Variants in ADGRA3 observed in about 807,000 individuals in gnomAD.
ADGRA3 encodes G-protein coupled receptor 125.
A neutral mutation model predicts 119.8 loss-of-function variants in ADGRA3; 56 were observed. That is an observed-to-expected ratio of 0.47 (90% CI 0.38 to 0.58). The LOEUF is 0.58. Ranked by LOEUF, ADGRA3 falls within the 20% of genes least tolerant of loss-of-function variation. The probability of loss-of-function intolerance (pLI) is 0.00; values close to 1 mark genes in which losing one functional copy is unlikely to be tolerated. For missense variants in ADGRA3, 1,516 were observed against 1,649.0 expected, an observed-to-expected ratio of 0.92 and a Z score of 1.40; for synonymous variants, 607 against 623.8, an observed-to-expected ratio of 0.97 and a Z score of 0.40.
At chr4:22,420,810 A>C in intron 12 of ADGRA3, 76 bp downstream of exon 12, 1 of 1,407,006 alleles carries the variant, frequency 7.1e-7, no homozygotes, top group South Asian at 1.2e-5. Context: ...TAATAAGGTT[A>C]TTTTGCGAAG....
At chr4:22,469,327 G>A (rs1428483955) in intron 2 of ADGRA3, among the ~76,000 whole-genome samples, 1 of 152,188 alleles carries the variant, frequency 6.6e-6, no homozygotes, top group Admixed American at 6.5e-5. Flanking sequence ...TCACTAGACT[G>A]TTAAGTTACA....
chr4:22,412,380 A>G (rs920986164), intron 14 of ADGRA3, among the ~76,000 whole-genome samples: 7 of 152,194 alleles, frequency 4.6e-5, no homozygotes, highest in African/African-American at 1.4e-4. Flanking sequence ...CTGTACATTA[A>G]TAACTGTTAT....
rs117781670 is a variant in ADGRA3, at chr4:22,427,400, G to T, written c.1444-3048C>A. 8.6e-3 allele frequency among the ~76,000 whole-genome samples: 1,313 copies of T among 151,928 alleles called. 39 individuals carry two copies. The highest frequency in any genetic ancestry group is 0.05 in the Admixed American group (759 of 15,254). ...AATTCATCATTATTACATGATCAAA[G>T]AACTACTGCTATGCCCTGCTAGATA... On this transcript the variant is annotated intron_variant, in intron 10 of 18. Coordinates refer to ENST00000334304, the MANE Select transcript of ADGRA3 (RefSeq NM_145290.4).
chr4:22,475,174 C>A (rs984041454), intron 1 of ADGRA3, among the ~76,000 whole-genome samples: 1 of 152,104 alleles, frequency 6.6e-6, no homozygotes, highest in African/African-American at 2.4e-5. Context: ...TTAGGCGAGT[C>A]ACACTTCCTC....
At position 22,435,302 on chromosome 4, in the gene ADGRA3, G is replaced by C. The variant is rs1560315281; in HGVS notation, c.1443+9C>G. ...ACTGTATGCTACAAATCTGAATTTAGAGAAGTACCTCTTTTGATTTTTCCT... is the reference window on the plus strand; with the variant it reads ...ACTGTATGCTACAAATCTGAATTTACAGAAGTACCTCTTTTGATTTTTCCT... On this transcript the variant is annotated intron_variant, in intron 10 of 18. Coordinates refer to ENST00000334304, the MANE Select transcript of ADGRA3 (RefSeq NM_145290.4). The C allele has an allele frequency of 1.2e-6, 2 of 1,607,692 alleles. No homozygotes were observed. Among genetic ancestry groups the C allele is most frequent in the Non-Finnish European group, 1.7e-6 (2 of 1,174,760 alleles).
At chr4:22,404,676 G>GA in intron 14 of ADGRA3, among the ~76,000 whole-genome samples, 1 of 152,260 alleles carries the variant, frequency 6.6e-6, no homozygotes, top group African/African-American at 2.4e-5. Flanking sequence ...ACACAAAAGG[G>GA]AAAAGACCAG....
At chr4:22,448,260 A>AT (rs1266197201) in intron 4 of ADGRA3, among the ~76,000 whole-genome samples, 5 of 152,220 alleles carry the variant, frequency 3.3e-5, no homozygotes, top group Admixed American at 6.5e-5. Context: ...GTGTACAGCC[A>AT]GTAACATGCT....
Position 22,515,816 on chromosome 4 carries a change from G to A in ADGRA3, c.-32C>T. On this transcript the variant is annotated 5_prime_UTR_variant, in exon 1 of 19. Transcript: ENST00000334304. ...GGCCGGGGCCTGCGGGGCGAGCGGC[G>A]GCGCACTGGCCTAGCGGGCCGCCCC... The A allele has an allele frequency of 3.0e-6, 3 of 988,074 alleles. No homozygotes were observed. Among genetic ancestry groups the A allele is most frequent in the South Asian group, 4.6e-5 (1 of 21,792 alleles). 61.2% of individuals were successfully genotyped at this position (988,074 alleles called of 1,614,324 possible).
chr4:22,393,028 CT>C lies in ADGRA3; in HGVS notation c.2482-339del, dbSNP rs1162697142. On this transcript the variant is annotated intron_variant, in intron 16 of 18. Transcript: ENST00000334304. Reference sequence around the variant, plus strand: ...GACATTATACATTAGAGTTCATTTTCTTTTTTTTTTTTTTTTGGGACAGAGC... The same window carrying C: ...GACATTATACATTAGAGTTCATTTTCTTTTTTTTTTTTTTTGGGACAGAGC... 5.2e-3 allele frequency: 717 copies of C among 138,728 alleles called. 1 individual carries two copies. The highest frequency in any genetic ancestry group is 0.012 in the Middle Eastern group (3 of 258). The allele number at this position is 138,728 out of a possible 1,614,324, so 8.6% of individuals were successfully genotyped here.
rs1403758645 is a variant in ADGRA3 at position 22,402,183 on chromosome 4, T to G, written c.2357+492A>C. ...TTATTTCCCACCACAAAATAAAAGT[T>G]TCTATAGCTTTGCCTCCGATTAACA... is the stretch of plus-strand genomic sequence containing the variant. On this transcript the variant is annotated intron_variant, in intron 15 of 18. Transcript: ENST00000334304. Among the ~76,000 whole-genome samples the G allele has an allele frequency of 3.3e-5, 5 of 152,264 alleles. No homozygotes were observed. The East Asian group carries it at 9.6e-4, about 29-fold the overall frequency.
intron 1 of ADGRA3, among the ~76,000 whole-genome samples, chr4:22,479,829 G>A (rs539658272): frequency 6.6e-6 from 1 of 152,272 alleles, no homozygotes; most frequent in African/African-American, 2.4e-5. Context: ...AAAAGGATGA[G>A]GTCATGTCCT....
rs763890087 is a variant in ADGRA3, at chr4:22,413,682, G to A, written c.1942C>T (p.Pro648Ser). The A allele has an allele frequency of 6.2e-7, 1 of 1,613,992 alleles. No homozygotes were observed. The highest frequency in any genetic ancestry group is 1.7e-5 in the Admixed American group (1 of 59,986). Residue 648 changes from proline (P) to serine (S), a missense_variant, in exon 13 of 19, where the codon CCA becomes TCA. This residue lies in a region of ADGRA3 where 1,088 missense variants were observed against 1,107.1 expected (regional missense o/e 0.98). Transcript: ENST00000334304. ...AAATTTGTTGAATTTCCAGTGGCTG[G>A]AAAAAGCTTTCCATTGCGGAATGCA... ...LIAFRNGKLF[P>S]ATGNSTNLAD...
intron 2 of ADGRA3, among the ~76,000 whole-genome samples, chr4:22,469,406 C>T (rs73247104): frequency 0.013 from 1,985 of 152,324 alleles, 20 homozygotes; most frequent in Non-Finnish European, 0.023. Flanking sequence ...AACTCTCAAT[C>T]ACTTCATTGA....
At chr4:22,396,800 T>A (rs1714374530) in intron 16 of ADGRA3, among the ~76,000 whole-genome samples, 1 of 152,150 alleles carries the variant, frequency 6.6e-6, no homozygotes, top group South Asian at 2.1e-4. Context: ...ATGGCATTTG[T>A]TCTTGAAGCC....
chr4:22,487,501 T>C (rs10938903), intron 1 of ADGRA3, among the ~76,000 whole-genome samples: 71,766 of 152,048 alleles, frequency 0.47, 18,452 homozygotes, highest in East Asian at 0.6. Context: ...CAACTCCTGC[T>C]GTACAGCCCC....
intron 14 of ADGRA3, among the ~76,000 whole-genome samples, chr4:22,404,738 G>A (rs918328689): frequency 3.9e-5 from 6 of 152,166 alleles, no homozygotes; most frequent in South Asian, 2.1e-4. Context: ...TGAGATGCCC[G>A]TAACACTAGC....
intron 1 of ADGRA3, among the ~76,000 whole-genome samples, chr4:22,480,094 T>C (rs1179948544): frequency 1.3e-5 from 2 of 152,130 alleles, no homozygotes. Context: ...TGTATACCTA[T>C]GTAACAAAAC....
intron 1 of ADGRA3, among the ~76,000 whole-genome samples, chr4:22,474,070 A>G (rs1717954536): frequency 6.6e-6 from 1 of 152,192 alleles, no homozygotes; most frequent in Non-Finnish European, 1.5e-5. Context: ...TCTATCACAC[A>G]TAATCAAAAC....
In ADGRA3 at chr4:22,413,842, G is replaced by A. The variant is rs755624136; in HGVS notation, c.1810-28C>T. 21 of 1,479,836 alleles carry A rather than the reference G, an allele frequency of 1.4e-5. No homozygotes were observed. In the African/African-American group the frequency reaches 3.0e-4, roughly 21 times the overall value. 91.7% of individuals were successfully genotyped at this position (1,479,836 alleles called of 1,614,324 possible). ...GAAAAAATATATATACATAAAAAAA[G>A]CTCACTACATTAGTACATAGAAACC... On this transcript the variant is annotated intron_variant, in intron 12 of 18. Coordinates refer to ENST00000334304, the MANE Select transcript of ADGRA3 (RefSeq NM_145290.4).
Sources: allele counts gnomAD v4.1 joint callset (sites outside exome capture counted in the v4.1 genomes callset), GRCh38; gene constraint gnomAD v4.1.1; regional missense constraint gnomAD v4.1.1; transcripts MANE v1.5; gene names NCBI Gene and HGNC (gene_info 2026-07-23, HGNC 2026-07-21).